TMEM181: variants seen among roughly 807,000 people sequenced by gnomAD.
The protein encoded by TMEM181 is transmembrane protein 181, also known as G protein-coupled receptor 178.
A neutral mutation model predicts 71.9 loss-of-function variants in TMEM181; 39 were observed. The ratio of observed to expected loss-of-function variants is 0.54; its 90% confidence interval spans 0.42 to 0.71. TMEM181 has a LOEUF of 0.71. TMEM181 is among the 30% of genes least tolerant of loss of function. The probability of loss-of-function intolerance (pLI) is 0.00; values close to 1 mark genes in which losing one functional copy is unlikely to be tolerated. For missense variants in TMEM181, 595 were observed against 583.0 expected, an observed-to-expected ratio of 1.02 and a Z score of -0.21; for synonymous variants, 245 against 228.8, an observed-to-expected ratio of 1.07 and a Z score of -0.64.
intron 4 of TMEM181, 119 bp from the exon 5 acceptor site, chr6:158,585,185 G>A: frequency 9.4e-7 from 1 of 1,065,304 alleles, no homozygotes; most frequent in Non-Finnish European, 1.3e-6. Flanking sequence ...TGAGGCCAAT[G>A]TGGCCTAAGG....
chr6:158,598,252 G>A (rs551117501), intron 6 of TMEM181, among the ~76,000 whole-genome samples: 1 of 152,304 alleles, frequency 6.6e-6, no homozygotes, highest in Admixed American at 6.5e-5. Context: ...TCAGCACCCT[G>A]AGTCCTCTTG....
chr6:158,546,434 G>A (rs367932859), intron 1 of TMEM181, among the ~76,000 whole-genome samples: 1 of 152,198 alleles, frequency 6.6e-6, no homozygotes, highest in Non-Finnish European at 1.5e-5. Flanking sequence ...TACACATGAC[G>A]AGAATACAGG....
In TMEM181 at chr6:158,607,168, G is replaced by T; in HGVS notation, c.574-76G>T. 3 of 1,201,712 alleles carry T rather than the reference G, an allele frequency of 2.5e-6. No individual in the cohort carries two copies. The South Asian group carries it at 3.7e-5, about 15-fold the overall frequency. The allele number at this position is 1,201,712 out of a possible 1,614,324, so 74.4% of individuals were successfully genotyped here. Reference sequence around the variant, plus strand: ...TTGATTAGAGAAGACAACCTGGTATGCCGGCAAGGTGTGAGCAAAGGCTGC... The same window carrying T: ...TTGATTAGAGAAGACAACCTGGTATTCCGGCAAGGTGTGAGCAAAGGCTGC... On this transcript the variant is annotated intron_variant, in intron 7 of 16. Coordinates refer to ENST00000684151, the MANE Select transcript of TMEM181 (RefSeq NM_001376852.1).
At chr6:158,568,849 A>G (rs972464921) in intron 1 of TMEM181, among the ~76,000 whole-genome samples, 7 of 152,174 alleles carry the variant, frequency 4.6e-5, no homozygotes, top group Admixed American at 1.3e-4. Flanking sequence ...CCCCTCTCCC[A>G]TCTTTACCTT....
At chr6:158,537,911 C>A (rs1466868983) in intron 1 of TMEM181, among the ~76,000 whole-genome samples, 1 of 152,084 alleles carries the variant, frequency 6.6e-6, no homozygotes, top group African/African-American at 2.4e-5. Context: ...ACGGGCTAAT[C>A]AGCAACGCAG....
chr6:158,613,682 C>G (rs1430542011), intron 10 of TMEM181, among the ~76,000 whole-genome samples: 1 of 152,294 alleles, frequency 6.6e-6, no homozygotes, highest in South Asian at 2.1e-4. Context: ...CAGTGAAAGC[C>G]TTGGCAGAAT....
intron 6 of TMEM181, among the ~76,000 whole-genome samples, chr6:158,602,312 C>G (rs926943272): frequency 6.6e-6 from 1 of 152,166 alleles, no homozygotes; most frequent in Non-Finnish European, 1.5e-5. Flanking sequence ...TGAATTACTT[C>G]CAGTTTGGGG....
chr6:158,608,784 A>T (rs567808964), intron 10 of TMEM181, 34 bp downstream of exon 10: 1 of 1,592,770 alleles, frequency 6.3e-7, no homozygotes, highest in African/African-American at 1.4e-5. Context: ...AACTTCAGTC[A>T]TGAAAAGCAT....
At chr6:158,574,503 A>G (rs1229009900) in intron 2 of TMEM181, among the ~76,000 whole-genome samples, 1 of 152,162 alleles carries the variant, frequency 6.6e-6, no homozygotes, top group Non-Finnish European at 1.5e-5. Flanking sequence ...CATGGTCTCC[A>G]GTCTCAGTGG....
intron 10 of TMEM181, 137 bp from the exon 11 acceptor site, chr6:158,623,413 T>C: frequency 1.9e-6 from 1 of 535,694 alleles, no homozygotes; most frequent in Non-Finnish European, 3.3e-6. Flanking sequence ...TAGGATTGCT[T>C]TGTAAAAATC....
chr6:158,602,473 T>G (rs1784721382), intron 6 of TMEM181, among the ~76,000 whole-genome samples: 2 of 152,226 alleles, frequency 1.3e-5, no homozygotes, highest in Admixed American at 1.3e-4. Context: ...TTGTGTTACT[T>G]TATGTTACAC....
At position 158,626,855 on chromosome 6, in the gene TMEM181, C is replaced by T. The variant is rs569425467; in HGVS notation, c.1109+1101C>T. 3.2e-4 allele frequency: 136 copies of T among 420,878 alleles called. 4 individuals carry two copies. Among genetic ancestry groups the T allele is most frequent in the South Asian group, 2.3e-3 (133 of 58,574 alleles). The allele number at this position is 420,878 out of a possible 1,614,324, so 26.1% of individuals were successfully genotyped here. ...CTTCACACACACCCTCATTTTCACACATCCTCACACCCTCACTCTCACACT... is the reference window on the plus strand; with the variant it reads ...CTTCACACACACCCTCATTTTCACATATCCTCACACCCTCACTCTCACACT... On this transcript the variant is annotated intron_variant, in intron 13 of 16. Transcript: ENST00000684151.
Position 158,619,179 on chromosome 6 carries a change from G to A in TMEM181, c.897-4371G>A, listed in dbSNP as rs1386520517. Among the ~76,000 whole-genome samples the A allele has an allele frequency of 2.0e-5, 3 of 152,126 alleles. No individual in the cohort carries two copies. The East Asian group carries it at 5.8e-4, about 29-fold the overall frequency. On this transcript the variant is annotated intron_variant, in intron 10 of 16. Transcript: ENST00000684151. ...TCACATAGTCCCATATTTCTTGGAG[G>A]CTTTGTTCGTTTCTTTTTACTCTTT...
intron 6 of TMEM181, among the ~76,000 whole-genome samples, chr6:158,594,099 CTTTTTTTT>C (rs60295531): frequency 8.8e-6 from 1 of 114,040 alleles, no homozygotes; most frequent in African/African-American, 3.5e-5. Context: ...ATGGTTTTGC[CTTTTTTTT>C]TTTTTTTTTT....
At chr6:158,605,164 G>A in intron 6 of TMEM181, 103 bp from the exon 7 acceptor site, 12 of 682,120 alleles carry the variant, frequency 1.8e-5, no homozygotes, top group Admixed American at 4.0e-5. Flanking sequence ...GTGTGTATGT[G>A]TATATATTGT....
chr6:158,584,318 A>C (rs1783645202), intron 4 of TMEM181, among the ~76,000 whole-genome samples: 1 of 152,184 alleles, frequency 6.6e-6, no homozygotes, highest in South Asian at 2.1e-4. Context: ...TTTTTCAGTG[A>C]GGATCTGGGA....
intron 2 of TMEM181, among the ~76,000 whole-genome samples, chr6:158,574,762 C>CCTGT (rs958051658): frequency 2.0e-5 from 3 of 152,244 alleles, no homozygotes; most frequent in South Asian, 4.1e-4. Flanking sequence ...GCCTGTCTAT[C>CCTGT]CTGTCTGTCT....
chr6:158,609,495 G>T (rs1785163769), intron 10 of TMEM181, among the ~76,000 whole-genome samples: 1 of 152,158 alleles, frequency 6.6e-6, no homozygotes, highest in African/African-American at 2.4e-5. Flanking sequence ...ATTACAGGCA[G>T]TCCCCTTACC....
chr6:158,564,521 T>A (rs1782375499), intron 1 of TMEM181, among the ~76,000 whole-genome samples: 1 of 152,226 alleles, frequency 6.6e-6, no homozygotes, highest in Non-Finnish European at 1.5e-5. Flanking sequence ...TTTGAAGATG[T>A]TGTTAGAATG....
Sources: gnomAD v4.1 joint callset for allele counts (sites outside exome capture counted in the v4.1 genomes callset) on GRCh38, gnomAD v4.1.1 for gene constraint, MANE v1.5 for transcripts, NCBI Gene and HGNC (gene_info 2026-07-23, HGNC 2026-07-21) for gene names.